KCNAB2: variants seen among roughly 807,000 people sequenced by gnomAD.
KCNAB2 encodes the protein voltage-gated potassium channel subunit beta-2.
In KCNAB2, 29 loss-of-function variants were observed where a neutral mutation model predicts 63.6. The observed-to-expected ratio is 0.46, with a 90% CI of 0.34 to 0.62. The LOEUF (loss-of-function observed/expected upper bound fraction) is 0.62. Among genes scored for constraint, KCNAB2 ranks in the 20% least tolerant of loss-of-function variants. The probability of loss-of-function intolerance (pLI) is 0.01; values close to 1 mark genes in which losing one functional copy is unlikely to be tolerated. For synonymous variants in KCNAB2, 222 were observed against 224.2 expected, an observed-to-expected ratio of 0.99 and a Z score of 0.09; for missense variants, 359 against 563.9, an observed-to-expected ratio of 0.64 and a Z score of 3.68.
intron 2 of KCNAB2, among the ~76,000 whole-genome samples, chr1:6,065,810 C>G (rs959466305): frequency 2.0e-5 from 3 of 152,152 alleles, no homozygotes; most frequent in Non-Finnish European, 4.4e-5. Context: ...TGCGCACCCC[C>G]CAACCTCCAG....
intron 2 of KCNAB2, among the ~76,000 whole-genome samples, chr1:6,057,285 C>T (rs1661921196): frequency 1.3e-5 from 2 of 151,986 alleles, no homozygotes; most frequent in South Asian, 4.2e-4. Context: ...ATCCCAGGCT[C>T]TTACCACAAG....
chr1:6,049,019 G>C (rs556357203), intron 1 of KCNAB2, among the ~76,000 whole-genome samples: 1 of 152,202 alleles, frequency 6.6e-6, no homozygotes, highest in African/African-American at 2.4e-5. Flanking sequence ...CTGCTTTAGC[G>C]TCCAGAGGTC....
At chr1:6,082,528 A>ATGCTG (rs1664297201) in intron 5 of KCNAB2, among the ~76,000 whole-genome samples, 1 of 152,064 alleles carries the variant, frequency 6.6e-6, no homozygotes, top group Non-Finnish European at 1.5e-5. Context: ...GGTGCCAAAG[A>ATGCTG]TGCTGTGCTG....
At chr1:6,085,144 T>C (rs1261870308) in intron 5 of KCNAB2, 60 bp from the exon 6 acceptor site, 3 of 1,578,714 alleles carry the variant, frequency 1.9e-6, no homozygotes, top group African/African-American at 2.7e-5. Context: ...GTGGCCACAG[T>C]GGGTCTGGGT....
Position 6,071,877 on chromosome 1 carries a change from C to G in KCNAB2, c.219-878C>G, listed in dbSNP as rs975800840. ...GGCACCTCCTGCCGCGTGGGCTCCT[C>G]CTGCCGCGTAGGGCTCCTCCTGCCG... On this transcript the variant is annotated intron_variant, in intron 2 of 15. Transcript: ENST00000378083. The surrounding 1 kb of genome is among the most constrained non-coding windows in gnomAD (Gnocchi z 8.5). 6.6e-6 allele frequency among the ~76,000 whole-genome samples: 1 copy of G among 150,510 alleles called. No homozygotes were observed. The highest frequency in any genetic ancestry group is 1.5e-5 in the Non-Finnish European group (1 of 67,808).
At chr1:6,057,062 G>A (rs993516163) in intron 2 of KCNAB2, among the ~76,000 whole-genome samples, 7 of 151,242 alleles carry the variant, frequency 4.6e-5, no homozygotes, top group Non-Finnish European at 4.4e-5. Flanking sequence ...GGCGCTGCGT[G>A]GTCTTGGTCT....
chr1:6,004,826 C>T (rs1229740814), intron 1 of KCNAB2, among the ~76,000 whole-genome samples: 1 of 152,044 alleles, frequency 6.6e-6, no homozygotes, highest in East Asian at 1.9e-4. Flanking sequence ...GTTTCTACCC[C>T]CGAGTCCCAC....
Position 6,005,403 on chromosome 1 carries a change from CTGAGGGGT to C in KCNAB2, c.-53+12616_-53+12623del, listed in dbSNP as rs1657586285. On this transcript the variant is annotated intron_variant, in intron 1 of 16. Transcript: ENST00000341524. ...TGAACTGGGGGATGTGGGAGCTGAGCTGAGGGGTGGGGGTGGAGTTGTGGGTTGTGTGA... is the reference window on the plus strand; with the variant it reads ...TGAACTGGGGGATGTGGGAGCTGAGCGGGGGTGGAGTTGTGGGTTGTGTGA... Among the ~76,000 whole-genome samples the C allele has an allele frequency of 4.6e-5, 4 of 86,816 alleles. 1 individual carries two copies. The highest frequency in any genetic ancestry group is 1.7e-4 in the African/African-American group (3 of 17,262). The allele number at this position is 86,816 out of a possible 152,430, so 57.0% of individuals were successfully genotyped here. A position where few individuals can be genotyped will look rare whatever the true frequency, so the allele number is the denominator to read the frequency against.
In KCNAB2 at chr1:6,073,986, C is replaced by T; in HGVS notation, c.300+216C>T. On this transcript the variant is annotated intron_variant, in intron 4 of 15. Coordinates refer to ENST00000378083, the MANE Select transcript of KCNAB2 (RefSeq NM_001199862.2). This position sits in a 1 kb window ranked among gnomAD's most constrained non-coding sequence, Gnocchi z 5.7. ...GAGGGGATGCCGAGTCTGGTGCCATCACCCAGCAGTGGATGCCTCGGGCCT... is the reference window on the plus strand; with the variant it reads ...GAGGGGATGCCGAGTCTGGTGCCATTACCCAGCAGTGGATGCCTCGGGCCT... 3.4e-6 allele frequency: 2 copies of T among 592,222 alleles called. No individual in the cohort carries two copies. The highest frequency in any genetic ancestry group is 2.8e-5 in the East Asian group (1 of 35,706). 36.7% of individuals were successfully genotyped at this position (592,222 alleles called of 1,614,324 possible).
At chr1:6,052,919 T>G (rs1436996015) in intron 2 of KCNAB2, among the ~76,000 whole-genome samples, 1 of 152,206 alleles carries the variant, frequency 6.6e-6, no homozygotes, top group African/African-American at 2.4e-5. Flanking sequence ...CTGGCAACAC[T>G]AAATATCTGG....
Position 6,099,437 on chromosome 1 carries a change from C to T in KCNAB2, c.*863C>T, listed in dbSNP as rs375998727. On this transcript the variant is annotated 3_prime_UTR_variant, in exon 16 of 16. Coordinates refer to ENST00000378083, the MANE Select transcript of KCNAB2 (RefSeq NM_001199862.2). Reference sequence around the variant, plus strand: ...CAGTGGGGCAGGCCCCTCTGTCTGGCCACCCCTCTGTCCTGGCCCCGGAAG... The same window carrying T: ...CAGTGGGGCAGGCCCCTCTGTCTGGTCACCCCTCTGTCCTGGCCCCGGAAG... 5 of 201,936 alleles carry T rather than the reference C, an allele frequency of 2.5e-5. No homozygotes were observed. The highest frequency in any genetic ancestry group is 5.0e-5 in the Non-Finnish European group (5 of 100,946). 12.5% of individuals were successfully genotyped at this position (201,936 alleles called of 1,614,324 possible).
At chr1:6,058,113 C>T (rs376434826) in intron 2 of KCNAB2, among the ~76,000 whole-genome samples, 3 of 152,184 alleles carry the variant, frequency 2.0e-5, no homozygotes, top group African/African-American at 7.2e-5. Context: ...GAACCACTGG[C>T]ACTCCAGCCT....
chr1:6,005,387 GGATGTGGGAGC>G lies in KCNAB2; in HGVS notation c.-53+12600_-53+12610del, dbSNP rs1557922342. 1.3e-4 allele frequency among the ~76,000 whole-genome samples: 10 copies of G among 77,470 alleles called. 2 individuals are homozygous for G. Among genetic ancestry groups the G allele is most frequent in the African/African-American group, 2.3e-4 (4 of 17,092 alleles). The allele number at this position is 77,470 out of a possible 152,430, so 50.8% of individuals were successfully genotyped here. On this transcript the variant is annotated intron_variant, in intron 1 of 16. Coordinates refer to the KCNAB2 transcript ENST00000341524. The stretch of plus-strand genomic sequence containing the variant: ...AGCTGAGGAGTGAGGGTGAACTGGG[GGATGTGGGAGC>G]TGAGCTGAGGGGTGGGGGTGGAGTT...
intron 1 of KCNAB2, among the ~76,000 whole-genome samples, chr1:6,008,686 C>T (rs1441823836): frequency 6.6e-6 from 1 of 150,724 alleles, no homozygotes; most frequent in African/African-American, 2.4e-5. Flanking sequence ...CTGGTATCAA[C>T]AGAACTGCAG....
At chr1:5,993,239 T>C (rs1656656771) in intron 1 of KCNAB2, among the ~76,000 whole-genome samples, 1 of 151,594 alleles carries the variant, frequency 6.6e-6, no homozygotes. Context: ...CCTGATCGCT[T>C]CTCAAGGCTC....
chr1:6,040,654 C>T lies in KCNAB2; in HGVS notation c.77+9C>T, dbSNP rs749513241. The T allele has an allele frequency of 3.8e-6, 6 of 1,594,814 alleles. No individual in the cohort carries two copies. In the African/African-American group the frequency reaches 8.0e-5, roughly 21 times the overall value. On this transcript the variant is annotated intron_variant, in intron 2 of 15. Coordinates refer to the KCNAB2 transcript ENST00000164247. ...CCCGGGATGATCTACAGGTGACCCCCTGCCCCCTCACCCAGGCCCCCTCCC... is the reference window on the plus strand; with the variant it reads ...CCCGGGATGATCTACAGGTGACCCCTTGCCCCCTCACCCAGGCCCCCTCCC...
chr1:6,095,201 C>A, intron 11 of KCNAB2, 122 bp from the exon 12 acceptor site: 1 of 1,042,594 alleles, frequency 9.6e-7, no homozygotes, highest in Non-Finnish European at 1.4e-6. Context: ...GTGGGGAGCC[C>A]GGGCTGCAGC....
intron 13 of KCNAB2, among the ~76,000 whole-genome samples, chr1:6,095,864 T>TCC (rs368089172): frequency 1.8e-4 from 15 of 83,410 alleles, no homozygotes; most frequent in East Asian, 7.1e-4. Context: ...CCCTTTCACA[T>TCC]CCCCCCCCCT....
chr1:6,053,008 C>T (rs1321179684), intron 2 of KCNAB2, among the ~76,000 whole-genome samples: 2 of 152,080 alleles, frequency 1.3e-5, no homozygotes, highest in Non-Finnish European at 2.9e-5. Context: ...GCTCCTTTAA[C>T]GTTTTCTCCT....
Sources: allele counts gnomAD v4.1 joint callset (sites outside exome capture counted in the v4.1 genomes callset), GRCh38; gene constraint gnomAD v4.1.1; non-coding constraint Gnocchi (gnomAD v3.1); transcripts MANE v1.5; gene names NCBI Gene and HGNC (gene_info 2026-07-23, HGNC 2026-07-21).